FGF4: variants seen among roughly 807,000 people sequenced by gnomAD.
The protein encoded by FGF4 is fibroblast growth factor 4.
Under a neutral mutation model 15.7 loss-of-function variants are expected in FGF4, and 9 were observed. That is an observed-to-expected ratio of 0.57 (90% CI 0.35 to 1.00). FGF4 has a LOEUF of 1.00. Ranked by LOEUF, FGF4 falls within the 50% of genes least tolerant of loss-of-function variation. The probability of loss-of-function intolerance (pLI) is 0.02; values close to 1 mark genes in which losing one functional copy is unlikely to be tolerated. For synonymous variants in FGF4, 164 were observed against 144.8 expected, an observed-to-expected ratio of 1.13 and a Z score of -0.95; for missense variants, 286 against 297.3, an observed-to-expected ratio of 0.96 and a Z score of 0.28.
At position 69,771,303 on chromosome 11, in the gene FGF4, T is replaced by C. The variant is rs938633999; in HGVS notation, c.*2006A>G. 1.3e-4 allele frequency: 20 copies of C among 152,214 alleles called. No individual in the cohort carries two copies. Among genetic ancestry groups the C allele is most frequent in the Admixed American group, 7.9e-4 (12 of 15,286 alleles). The allele number at this position is 152,214 out of a possible 1,614,324, so 9.4% of individuals were successfully genotyped here. On this transcript the variant is annotated 3_prime_UTR_variant, in exon 3 of 3. Transcript: ENST00000168712. Reference sequence around the variant, plus strand: ...CATCACACATGATTTGTTGAAGAAATATCTATAAGAAGTGGTCAAGGGTGA... The same window carrying C: ...CATCACACATGATTTGTTGAAGAAACATCTATAAGAAGTGGTCAAGGGTGA...
intron 1 of FGF4, 72 bp from the exon 2 acceptor site, chr11:69,774,199 C>A: frequency 7.9e-7 from 1 of 1,262,198 alleles, no homozygotes; most frequent in Non-Finnish European, 1.1e-6. Context: ...TTGTTCGCCT[C>A]CGGGGACCCT....
rs1212827681 is a variant in FGF4 at position 69,772,134 on chromosome 11, A to C, written c.*1175T>G. On this transcript the variant is annotated 3_prime_UTR_variant, in exon 3 of 3. Transcript: ENST00000168712. ...ACGTGACAAGGTTCGAATGGGACGCACCGACGCTATCTGCAATCCTTTTTG... is the reference window on the plus strand; with the variant it reads ...ACGTGACAAGGTTCGAATGGGACGCCCCGACGCTATCTGCAATCCTTTTTG... 1 of 152,220 alleles carries C rather than the reference A, an allele frequency of 6.6e-6. No individual in the cohort carries two copies. The highest frequency in any genetic ancestry group is 1.5e-5 in the Non-Finnish European group (1 of 68,040). The allele number at this position is 152,220 out of a possible 1,614,324, so 9.4% of individuals were successfully genotyped here. A position where few individuals can be genotyped will look rare whatever the true frequency, so the allele number is the denominator to read the frequency against.
At chr11:69,773,518 G>A (rs1855601006) in intron 2 of FGF4, 33 bp from the exon 3 acceptor site, 1 of 1,610,706 alleles carries the variant, frequency 6.2e-7, no homozygotes. Flanking sequence ...CAGGGCTGGG[G>A]CACCTCTTGG....
Position 69,774,144 on chromosome 11 carries a change from G to A in FGF4, c.341-17C>T. ...CCAGCAGGCCTGGGGGCGGGGCGCA[G>A]GTCATTGCGGGGCAGGTGATCCCTG... On this transcript the variant is annotated splice_polypyrimidine_tract_variant and intron_variant, in intron 1 of 2. Transcript: ENST00000168712. 3 of 1,594,804 alleles carry A rather than the reference G, an allele frequency of 1.9e-6. No homozygotes were observed. Among genetic ancestry groups the A allele is most frequent in the Non-Finnish European group, 2.6e-6 (3 of 1,166,944 alleles).
In FGF4 at chr11:69,774,882, G is replaced by A. The variant is rs1474520052; in HGVS notation, c.203C>T (p.Ala68Val). Residue 68 changes from alanine (A) to valine (V), a missense_variant, in exon 1 of 3, where the codon GCC becomes GTC. Physicochemically the swap from Ala to Val is moderately conservative, Grantham distance 64 (BLOSUM62 0). Transcript: ENST00000168712. Reference protein sequence around the residue: ...LPVAAQPKEAAVQSGAGDYLL... With the variant: ...LPVAAQPKEAVVQSGAGDYLL... ...GTAGTCGCCGGCGCCGCTCTGGACGGCCGCCTCCTTGGGCTGCGCTGCCAC... is the reference window on the plus strand; with the variant it reads ...GTAGTCGCCGGCGCCGCTCTGGACGACCGCCTCCTTGGGCTGCGCTGCCAC... 2 of 1,496,800 alleles carry A rather than the reference G, an allele frequency of 1.3e-6. No homozygotes were observed. The highest frequency in any genetic ancestry group is 2.8e-5 in the East Asian group (1 of 35,232). The allele number at this position is 1,496,800 out of a possible 1,614,324, so 92.7% of individuals were successfully genotyped here.
chr11:69,773,131 C>A lies in FGF4; in HGVS notation c.*178G>T. The A allele has an allele frequency of 2.0e-6, 1 of 493,328 alleles. No homozygotes were observed. The allele number at this position is 493,328 out of a possible 1,614,324, so 30.6% of individuals were successfully genotyped here. A position where few individuals can be genotyped will look rare whatever the true frequency, so the allele number is the denominator to read the frequency against. ...TTTTTCCCCCCAGAAAATTAAAAAA[C>A]ACACCCGCAGAACTATAAATAATTT... On this transcript the variant is annotated 3_prime_UTR_variant, in exon 3 of 3. Coordinates refer to ENST00000168712, the MANE Select transcript of FGF4 (RefSeq NM_002007.4).
chr11:69,773,188 TTTAAA>T lies in FGF4; in HGVS notation c.*116_*120del, dbSNP rs1855593027. Reference sequence around the variant, plus strand: ...AATATATACACATTTAAATAATTAATTTAAATATCTTACACCTACTCTTGCATTAA... The same window carrying T: ...AATATATACACATTTAAATAATTAATTATCTTACACCTACTCTTGCATTAA... On this transcript the variant is annotated 3_prime_UTR_variant, in exon 3 of 3. Transcript: ENST00000168712. The T allele has an allele frequency of 1.4e-6, 1 of 697,832 alleles. No homozygotes were observed. The highest frequency in any genetic ancestry group is 2.9e-5 in the Admixed American group (1 of 34,164). 43.2% of individuals were successfully genotyped at this position (697,832 alleles called of 1,614,324 possible).
chr11:69,774,369 G>C (rs1855613090), intron 1 of FGF4, among the ~76,000 whole-genome samples: 2 of 151,684 alleles, frequency 1.3e-5, no homozygotes, highest in African/African-American at 4.8e-5. Flanking sequence ...GCCGCACCCA[G>C]TCCCGGACCT....
intron 1 of FGF4, among the ~76,000 whole-genome samples, chr11:69,774,374 G>A (rs2070678): frequency 0.23 from 34,567 of 151,804 alleles, 4,253 homozygotes; most frequent in Non-Finnish European, 0.28. Flanking sequence ...ACCCAGTCCC[G>A]GACCTTCAGA....
In FGF4 at chr11:69,773,347, GCGA is replaced by G; in HGVS notation, c.580_582del (p.Ser194del). ...AGGAAGTGGGTGACCTTCATGGTGG[GCGA>G]CACTCGGTTCCCCTTCTTGGTCTTC... On this transcript the variant is annotated inframe_deletion, in exon 3 of 3. Coordinates refer to ENST00000168712, the MANE Select transcript of FGF4 (RefSeq NM_002007.4). The G allele has an allele frequency of 3.1e-6, 5 of 1,614,152 alleles. No individual in the cohort carries two copies. Among genetic ancestry groups the G allele is most frequent in the Non-Finnish European group, 4.2e-6 (5 of 1,180,020 alleles).
intron 1 of FGF4, among the ~76,000 whole-genome samples, chr11:69,774,348 G>C (rs990809494): frequency 6.6e-6 from 1 of 152,168 alleles, no homozygotes; most frequent in Non-Finnish European, 1.5e-5. Flanking sequence ...CTGTGTAGGG[G>C]ACCCCCGGCG....
rs1196850007 is a variant in FGF4 at position 69,773,133 on chromosome 11, C to T, written c.*176G>A. The stretch of plus-strand genomic sequence containing the variant: ...TTTCCCCCCAGAAAATTAAAAAACA[C>T]ACCCGCAGAACTATAAATAATTTGG... On this transcript the variant is annotated 3_prime_UTR_variant, in exon 3 of 3. Coordinates refer to ENST00000168712, the MANE Select transcript of FGF4 (RefSeq NM_002007.4). 6 of 503,434 alleles carry T rather than the reference C, an allele frequency of 1.2e-5. No homozygotes were observed. In the Admixed American group the frequency reaches 2.2e-4, roughly 18 times the overall value. The allele number at this position is 503,434 out of a possible 1,614,324, so 31.2% of individuals were successfully genotyped here.
intron 1 of FGF4, among the ~76,000 whole-genome samples, chr11:69,774,496 C>A (rs1433533459): frequency 2.0e-5 from 3 of 152,212 alleles, no homozygotes; most frequent in African/African-American, 7.2e-5. Context: ...CGCTGGAATT[C>A]GGCGCTCGGA....
chr11:69,774,849 C>G lies in FGF4; in HGVS notation c.236G>C (p.Gly79Ala). 1 of 1,522,222 alleles carries G rather than the reference C, an allele frequency of 6.6e-7. No homozygotes were observed. Among genetic ancestry groups the G allele is most frequent in the Non-Finnish European group, 8.7e-7 (1 of 1,143,952 alleles). 94.3% of individuals were successfully genotyped at this position (1,522,222 alleles called of 1,614,324 possible). A position where few individuals can be genotyped will look rare whatever the true frequency, so the allele number is the denominator to read the frequency against. Residue 79 changes from glycine to alanine, a missense_variant, in exon 1 of 3, where the codon GGC becomes GCC. By Grantham distance (60) the Gly-to-Ala change is moderately conservative. Coordinates refer to ENST00000168712, the MANE Select transcript of FGF4 (RefSeq NM_002007.4). ...GTAGAGCCGCCGCAGCCGCTTGATG[C>G]CCAGCAGGTAGTCGCCGGCGCCGCT... ...VQSGAGDYLL[G>A]IKRLRRLYCN...
rs985445793 is a variant in FGF4, at chr11:69,775,305, G to A, written c.-221C>T. On this transcript the variant is annotated 5_prime_UTR_variant, in exon 1 of 3. Coordinates refer to ENST00000168712, the MANE Select transcript of FGF4 (RefSeq NM_002007.4). The stretch of plus-strand genomic sequence containing the variant: ...GCGGAAAGCGCGCGGCTGGAGCTGG[G>A]ACTCTGAGGAGCAGTGCGCGCCTCC... 23 of 374,664 alleles carry A rather than the reference G, an allele frequency of 6.1e-5. No homozygotes were observed. Among genetic ancestry groups the A allele is most frequent in the African/African-American group, 3.5e-4 (17 of 48,020 alleles). 23.2% of individuals were successfully genotyped at this position (374,664 alleles called of 1,614,324 possible).
chr11:69,774,695 C>G, intron 1 of FGF4, 50 bp downstream of exon 1: 4 of 1,326,006 alleles, frequency 3.0e-6, no homozygotes, highest in Non-Finnish European at 3.9e-6. Context: ...GTTGGCCCGG[C>G]GGCCGTTGCC....
chr11:69,774,583 G>T (rs750680069), intron 1 of FGF4, among the ~76,000 whole-genome samples, 162 bp downstream of exon 1: 1 of 152,128 alleles, frequency 6.6e-6, no homozygotes, highest in African/African-American at 2.4e-5. Flanking sequence ...GAGTGTCTGC[G>T]TCCCCAGCCC....
At position 69,771,181 on chromosome 11, in the gene FGF4, T is replaced by C. The variant is rs536536263; in HGVS notation, c.*2128A>G. 9.8e-4 allele frequency: 150 copies of C among 152,322 alleles called. 1 individual carries two copies. The highest frequency in any genetic ancestry group is 3.6e-3 in the African/African-American group (149 of 41,556). 9.4% of individuals were successfully genotyped at this position (152,322 alleles called of 1,614,324 possible). A position where few individuals can be genotyped will look rare whatever the true frequency, so the allele number is the denominator to read the frequency against. ...ACGAGGGTCGGCACCTGTATAAAAC[T>C]ACAGATTCTGAAAACAGTGGCACAT... On this transcript the variant is annotated 3_prime_UTR_variant, in exon 3 of 3. Coordinates refer to ENST00000168712, the MANE Select transcript of FGF4 (RefSeq NM_002007.4).
In FGF4 at chr11:69,774,736, G is replaced by T; in HGVS notation, c.340+9C>A. 1 of 1,456,604 alleles carries T rather than the reference G, an allele frequency of 6.9e-7. No homozygotes were observed. Among genetic ancestry groups the T allele is most frequent in the Non-Finnish European group, 9.0e-7 (1 of 1,113,472 alleles). The allele number at this position is 1,456,604 out of a possible 1,614,324, so 90.2% of individuals were successfully genotyped here. ...CCCCCGCCCCTTCGCGCCTGGCCGC[G>T]CCACTCACTGTCGCGGGTGTCCGCG... On this transcript the variant is annotated intron_variant, in intron 1 of 2. Transcript: ENST00000168712.
Sources: allele counts gnomAD v4.1 joint callset (sites outside exome capture counted in the v4.1 genomes callset), GRCh38; gene constraint gnomAD v4.1.1; transcripts MANE v1.5; gene names NCBI Gene and HGNC (gene_info 2026-07-23, HGNC 2026-07-21).